Variants in DGKB observed in about 807,000 individuals in gnomAD.
The protein encoded by DGKB is diacylglycerol kinase beta.
A neutral mutation model predicts 114.3 loss-of-function variants in DGKB; 67 were observed. That is an observed-to-expected ratio of 0.59 (90% CI 0.48 to 0.72). DGKB has a LOEUF of 0.72. Ranked by LOEUF, DGKB falls within the 30% of genes least tolerant of loss-of-function variation. DGKB has a pLI of 0.00. For synonymous variants in DGKB, 398 were observed against 323.1 expected (o/e 1.23, Z -2.49); for missense variants, 907 against 975.2 (o/e 0.93, Z 0.93).
intron 5 of DGKB, among the ~76,000 whole-genome samples, chr7:14,725,916 A>C (rs1239452567): frequency 6.6e-6 from 1 of 152,184 alleles, no homozygotes; most frequent in Non-Finnish European, 1.5e-5. Context: ...TATTTAATGA[A>C]TAATGGTAAT....
At chr7:14,867,144 T>C (rs1851815817) in intron 1 of DGKB, among the ~76,000 whole-genome samples, 1 of 152,204 alleles carries the variant, frequency 6.6e-6, no homozygotes, top group South Asian at 2.1e-4. Flanking sequence ...ATGAGATGTG[T>C]GTTTTGCAAA....
At chr7:14,368,614 T>C (rs1349064633) in intron 21 of DGKB, among the ~76,000 whole-genome samples, 2 of 149,530 alleles carry the variant, frequency 1.3e-5, no homozygotes, top group African/African-American at 5.0e-5. Context: ...AAAGGTAGTG[T>C]ATGTAAATAC....
At chr7:14,561,893 A>G (rs946348183) in intron 20 of DGKB, among the ~76,000 whole-genome samples, 5 of 152,220 alleles carry the variant, frequency 3.3e-5, no homozygotes, top group East Asian at 1.9e-4. Flanking sequence ...AAGGAGCCCA[A>G]TGTTATTCAC....
At position 14,557,773 on chromosome 7, in the gene DGKB, T is replaced by C. The variant is rs978646589; in HGVS notation, c.1770+16439A>G. 2.0e-5 allele frequency among the ~76,000 whole-genome samples: 3 copies of C among 152,040 alleles called. No individual in the cohort carries two copies. The East Asian group carries it at 5.8e-4, about 29-fold the overall frequency. Reference sequence around the variant, plus strand: ...ATGGAAATTCTTAAATTTCTTAATTTTTTGGTGTTACTTGGTTTATTTTTA... The same window carrying C: ...ATGGAAATTCTTAAATTTCTTAATTCTTTGGTGTTACTTGGTTTATTTTTA... On this transcript the variant is annotated intron_variant, in intron 20 of 25. Coordinates refer to ENST00000402815, the MANE Select transcript of DGKB (RefSeq NM_001350709.2).
chr7:14,695,466 T>C (rs1296334337), intron 8 of DGKB, among the ~76,000 whole-genome samples: 1 of 147,046 alleles, frequency 6.8e-6, no homozygotes, highest in Non-Finnish European at 1.5e-5. Context: ...GTAATCAACC[T>C]CAAATGTTCA....
chr7:14,170,145 A>AAAAG (rs58897814), intron 25 of DGKB, among the ~76,000 whole-genome samples: 9,373 of 99,702 alleles, frequency 0.094, 807 homozygotes, highest in South Asian at 0.14. Flanking sequence ...AAAAAAAAAA[A>AAAAG]AAAGAAAGAA....
chr7:14,515,000 CAG>C (rs1263330893), intron 20 of DGKB, among the ~76,000 whole-genome samples: 17 of 152,178 alleles, frequency 1.1e-4, no homozygotes, highest in African/African-American at 3.9e-4. Context: ...GCCTGCATGA[CAG>C]AGTGAGAACC....
At chr7:14,795,456 A>G (rs1433225110) in intron 2 of DGKB, among the ~76,000 whole-genome samples, 2 of 152,196 alleles carry the variant, frequency 1.3e-5, no homozygotes, top group African/African-American at 4.8e-5. Flanking sequence ...TTTGTCATTT[A>G]AGGCCTACTT....
At chr7:14,666,655 AT>A (rs1198918656) in intron 13 of DGKB, among the ~76,000 whole-genome samples, 2 of 152,014 alleles carry the variant, frequency 1.3e-5, no homozygotes, top group Middle Eastern at 3.4e-3. Context: ...TTCATCCTAC[AT>A]TTTTTTGGAA....
At chr7:14,419,792 G>A (rs1222919857) in intron 21 of DGKB, among the ~76,000 whole-genome samples, 1 of 151,942 alleles carries the variant, frequency 6.6e-6, no homozygotes, top group Non-Finnish European at 1.5e-5. Context: ...ACAAATGAGT[G>A]TAAAATACCA....
At chr7:14,322,215 A>G (rs1807951949) in intron 23 of DGKB, among the ~76,000 whole-genome samples, 1 of 152,180 alleles carries the variant, frequency 6.6e-6, no homozygotes, top group South Asian at 2.1e-4. Flanking sequence ...TCTGTGGTAC[A>G]GTGGCAGGGA....
intron 25 of DGKB, among the ~76,000 whole-genome samples, chr7:14,156,211 G>A (rs1250408060): frequency 6.6e-6 from 1 of 152,022 alleles, no homozygotes; most frequent in Non-Finnish European, 1.5e-5. Flanking sequence ...GGCATGCCTC[G>A]GTTTGGTACA....
chr7:14,305,190 C>A lies in DGKB; in HGVS notation c.2122+33325G>T, dbSNP rs116561784. 1.1e-3 allele frequency among the ~76,000 whole-genome samples: 162 copies of A among 152,204 alleles called. 1 individual carries two copies. Among genetic ancestry groups the A allele is most frequent in the Middle Eastern group, 6.8e-3 (2 of 292 alleles). Reference sequence around the variant, plus strand: ...GAAATATATGATAAATTATTGTTAACTCTAGTCACCCTACTGTGCTATTGA... The same window carrying A: ...GAAATATATGATAAATTATTGTTAAATCTAGTCACCCTACTGTGCTATTGA... On this transcript the variant is annotated intron_variant, in intron 23 of 25. Coordinates refer to ENST00000402815, the MANE Select transcript of DGKB (RefSeq NM_001350709.2).
chr7:14,440,749 T>A (rs2128811334), intron 21 of DGKB, among the ~76,000 whole-genome samples: 1 of 152,282 alleles, frequency 6.6e-6, no homozygotes, highest in South Asian at 2.1e-4. Flanking sequence ...CGAAGGAAAT[T>A]GCTGAGTGTT....
chr7:14,491,286 G>A (rs1045710178), intron 20 of DGKB, among the ~76,000 whole-genome samples: 1 of 151,874 alleles, frequency 6.6e-6, no homozygotes, highest in Non-Finnish European at 1.5e-5. Flanking sequence ...GTTTTTTAAG[G>A]GGAAACTCCT....
chr7:14,909,548 C>G (rs1214236225), intron 1 of DGKB, among the ~76,000 whole-genome samples: 1 of 151,824 alleles, frequency 6.6e-6, no homozygotes, highest in Non-Finnish European at 1.5e-5. Context: ...ATAGTTATAC[C>G]CAGCCCAATG....
chr7:14,585,148 T>C (rs1800547531), intron 17 of DGKB, among the ~76,000 whole-genome samples: 3 of 152,154 alleles, frequency 2.0e-5, no homozygotes, highest in African/African-American at 7.2e-5. Flanking sequence ...CAGGAAACTT[T>C]CATGCATTTT....
At chr7:14,478,289 T>A in intron 20 of DGKB, 64 bp from the exon 21 acceptor site, 2 of 914,382 alleles carry the variant, frequency 2.2e-6, no homozygotes, top group Non-Finnish European at 3.2e-6. Context: ...TATGAAAATG[T>A]AGACTAAATA....
intron 23 of DGKB, among the ~76,000 whole-genome samples, chr7:14,274,800 A>G (rs766522380): frequency 6.6e-6 from 1 of 151,824 alleles, no homozygotes; most frequent in Non-Finnish European, 1.5e-5. Context: ...TTATAAAGGC[A>G]CTAATCCCGT....
Sources: allele counts gnomAD v4.1 joint callset (sites outside exome capture counted in the v4.1 genomes callset), GRCh38; gene constraint gnomAD v4.1.1; transcripts MANE v1.5; gene names NCBI Gene and HGNC (gene_info 2026-07-23, HGNC 2026-07-21).